Variants in MUTYH observed in about 807,000 individuals in gnomAD.
MUTYH encodes mutY DNA glycosylase.
A neutral mutation model predicts 72.9 loss-of-function variants in MUTYH; 64 were observed. The observed-to-expected ratio is 0.88, with a 90% CI of 0.72 to 1.08. The LOEUF (loss-of-function observed/expected upper bound fraction) is 1.08, where lower values mean the gene tolerates loss of function less well. Among genes scored for constraint, MUTYH ranks in the 50% least tolerant of loss-of-function variants. The probability of loss-of-function intolerance (pLI) is 0.00; values close to 1 mark genes in which losing one functional copy is unlikely to be tolerated. For synonymous variants in MUTYH, 234 were observed against 263.1 expected, an observed-to-expected ratio of 0.89 and a Z score of 1.07; for missense variants, 633 against 671.0, an observed-to-expected ratio of 0.94 and a Z score of 0.63.
intron 15 of MUTYH, chr1:45,330,047 A>G: frequency 1.4e-5 from 1 of 71,740 alleles, no homozygotes; most frequent in Non-Finnish European, 3.4e-5. Flanking sequence ...AGCCTAGTCA[A>G]CATGGTGAAA....
chr1:45,332,745 C>T lies in MUTYH; in HGVS notation c.492+18G>A, dbSNP rs377647533. On this transcript the variant is annotated intron_variant, in intron 7 of 15. Transcript: ENST00000456914. ...CACCCAAGACTCCTGGGTTCCTACC[C>T]TCCTGCCATCCCCTTACCTTCCGAG... The T allele has an allele frequency of 1.9e-6, 3 of 1,614,036 alleles. No homozygotes were observed. Among genetic ancestry groups the T allele is most frequent in the South Asian group, 1.1e-5 (1 of 91,090 alleles).
In MUTYH at chr1:45,332,790, G is replaced by A. The variant is rs1645187281; in HGVS notation, c.465C>T (p.Gly155=). The A allele has an allele frequency of 6.2e-7, 1 of 1,614,180 alleles. No homozygotes were observed. The highest frequency in any genetic ancestry group is 8.5e-7 in the Non-Finnish European group (1 of 1,180,024). ...LWAGLGYYSR[G]RRLQEGARKV... ...TCCGAGCTCCCTCCTGCAGCCGCCG[G>A]CCACGAGAATAGTAGCCCAGGCCAG... The change falls in exon 7 of 16, where the codon GGC becomes GGT. Residue 155 remains glycine, a synonymous_variant. Transcript: ENST00000456914.
chr1:45,334,661 T>C, intron 1 of MUTYH, 150 bp from the exon 2 acceptor site: 2 of 1,232,506 alleles, frequency 1.6e-6, no homozygotes, highest in Non-Finnish European at 1.2e-6. Context: ...GGGTTTACTC[T>C]TGGCTGGCTG....
At chr1:45,334,178 G>A in intron 2 of MUTYH, 1 of 585,308 alleles carries the variant, frequency 1.7e-6, no homozygotes, top group South Asian at 1.8e-5. Context: ...GCATAGAGAG[G>A]GGATTTCGCC....
chr1:45,338,134 G>C (rs991372814), intron 1 of MUTYH: 1 of 506,328 alleles, frequency 2.0e-6, no homozygotes, highest in African/African-American at 1.9e-5. Context: ...AGTGGTAGAA[G>C]AGGTCAGAGA....
intron 1 of MUTYH, among the ~76,000 whole-genome samples, chr1:45,334,877 G>A (rs1645647488): frequency 1.3e-5 from 2 of 152,132 alleles, no homozygotes; most frequent in South Asian, 4.1e-4. Context: ...GGGAGAATGG[G>A]GGTAGGCGGT....
chr1:45,329,450 G>C lies in MUTYH; in HGVS notation c.1435-13C>G. ...ACCTTTTGGAACCCTGTGAAAAAAT[G>C]GAAGGAGGGAGGCCTTGTAGTTGGG... On this transcript the variant is annotated splice_polypyrimidine_tract_variant and intron_variant, in intron 15 of 15. Transcript: ENST00000456914. 6.2e-7 allele frequency: 1 copy of C among 1,613,852 alleles called. No homozygotes were observed. Among genetic ancestry groups the C allele is most frequent in the Non-Finnish European group, 8.5e-7 (1 of 1,179,868 alleles).
At chr1:45,337,301 C>T (rs1403882870) in intron 1 of MUTYH, among the ~76,000 whole-genome samples, 1 of 151,412 alleles carries the variant, frequency 6.6e-6, no homozygotes, top group East Asian at 1.9e-4. Context: ...ACCACAGGCG[C>T]ACACCACCAC....
chr1:45,340,321 A>AG (rs767673179), upstream of MUTYH: 23 of 1,609,712 alleles, frequency 1.4e-5, no homozygotes, highest in South Asian at 2.2e-5. Context: ...GGCTTCCCAG[A>AG]GGTAGCCTTC....
intron 1 of MUTYH, among the ~76,000 whole-genome samples, chr1:45,337,358 A>G (rs573230557): frequency 6.6e-6 from 1 of 151,470 alleles, no homozygotes; most frequent in South Asian, 2.1e-4. Context: ...GGGTTTCACC[A>G]TGTTGCCCAG....
chr1:45,340,043 G>T (rs1646765081), upstream of MUTYH: 19 of 1,540,868 alleles, frequency 1.2e-5, no homozygotes, highest in Non-Finnish European at 1.5e-5. Context: ...GTCCACCCGG[G>T]CTGCGAGCCG....
rs1645013019 is a variant in MUTYH, at chr1:45,332,154, C to T, written c.849+12G>A. The T allele has an allele frequency of 1.2e-6, 2 of 1,614,230 alleles. No homozygotes were observed. The highest frequency in any genetic ancestry group is 1.7e-6 in the Non-Finnish European group (2 of 1,180,044). ...TTAGGACTTCTCACTGCCCCTTCCC[C>T]AGTAGGCTTACTCTCTGGCGTGCCC... On this transcript the variant is annotated intron_variant, in intron 10 of 15. Transcript: ENST00000456914.
In MUTYH at chr1:45,332,801, A is replaced by AGGG; in HGVS notation, c.453_454insCCC (p.Tyr151_Tyr152insPro). On this transcript the variant is annotated inframe_insertion, in exon 7 of 16. Coordinates refer to ENST00000456914, the MANE Select transcript of MUTYH (RefSeq NM_001048174.2). ...TCCTGCAGCCGCCGGCCACGAGAAT[A>AGGG]GTAGCCCAGGCCAGCCCAGAGTTGA... The AGGG allele has an allele frequency of 1.9e-6, 3 of 1,614,176 alleles. No homozygotes were observed. Among genetic ancestry groups the AGGG allele is most frequent in the Non-Finnish European group, 2.5e-6 (3 of 1,180,022 alleles).
At chr1:45,333,016 G>A (rs1419881486) in intron 5 of MUTYH, 57 bp from the exon 6 acceptor site, 1 of 1,613,134 alleles carries the variant, frequency 6.2e-7, no homozygotes, top group Non-Finnish European at 8.5e-7. Context: ...GGTAGAGGAA[G>A]CCTTCTCTAC....
Position 45,331,794 on chromosome 1 carries a change from CT to C in MUTYH, c.968del (p.Gln323ArgfsTer57). On this transcript the variant is annotated frameshift_variant, in exon 12 of 16. Coordinates refer to ENST00000456914, the MANE Select transcript of MUTYH (RefSeq NM_001048174.2). LOFTEE classifies it high-confidence loss of function. ...TGGGGAAGTTGACCACTCCCAGGGT[CT>C]GGTCCCAGGGCTCCGAGGGAGGCAG... ...LCLPPSEPWD[Q>X]TLGVVNFPRK... 1 of 1,612,854 alleles carries C rather than the reference CT, an allele frequency of 6.2e-7. No individual in the cohort carries two copies. Among genetic ancestry groups the C allele is most frequent in the Non-Finnish European group, 8.5e-7 (1 of 1,179,350 alleles).
rs200932372 is a variant in MUTYH at position 45,333,392 on chromosome 1, C to T, written c.264+21G>A. Reference sequence around the variant, plus strand: ...TGGGTGCCTGCCTCCCACCCACTGTCCCTGCTCCTCGCCTGCCTACCCGTC... The same window carrying T: ...TGGGTGCCTGCCTCCCACCCACTGTTCCTGCTCCTCGCCTGCCTACCCGTC... On this transcript the variant is annotated intron_variant, in intron 3 of 15. Coordinates refer to ENST00000456914, the MANE Select transcript of MUTYH (RefSeq NM_001048174.2). The T allele has an allele frequency of 1.2e-5, 19 of 1,614,168 alleles. No individual in the cohort carries two copies. The East Asian group carries it at 3.3e-4, about 28-fold the overall frequency.
chr1:45,332,651 C>G lies in MUTYH; in HGVS notation c.529G>C (p.Ala177Pro). 6.2e-7 allele frequency: 1 copy of G among 1,614,136 alleles called. No homozygotes were observed. The highest frequency in any genetic ancestry group is 8.5e-7 in the Non-Finnish European group (1 of 1,180,004). ...EELGGHMPRT[A>P]ETLQQLLPGV... is the part of the protein sequence containing the mutation. ...GGCAGGAGCTGCTGCAGGGTCTCTG[C>G]TGTACGTGGCATGTGGCCCCCTAGC... The change falls in exon 8 of 16, where the codon GCA becomes CCA. Residue 177 changes from alanine to proline, a missense_variant. Ala to Pro is a conservative substitution (Grantham distance 27, BLOSUM62 -1). Transcript: ENST00000456914.
At chr1:45,335,549 G>A (rs1250327459) in intron 1 of MUTYH, among the ~76,000 whole-genome samples, 1 of 151,890 alleles carries the variant, frequency 6.6e-6, no homozygotes, top group East Asian at 1.9e-4. Context: ...CCGTCTAACT[G>A]TTGGAACTCA....
At chr1:45,336,349 C>T (rs1003048107) in intron 1 of MUTYH, among the ~76,000 whole-genome samples, 2 of 152,190 alleles carry the variant, frequency 1.3e-5, no homozygotes, top group Non-Finnish European at 2.9e-5. Context: ...TTCTCTTCTA[C>T]CCCTTGTCAG....
Sources: gnomAD v4.1 joint callset for allele counts (sites outside exome capture counted in the v4.1 genomes callset) on GRCh38, gnomAD v4.1.1 for gene constraint, MANE v1.5 for transcripts, NCBI Gene and HGNC (gene_info 2026-07-23, HGNC 2026-07-21) for gene names.